CDH18: variants seen among roughly 807,000 people sequenced by gnomAD.
The protein encoded by CDH18 is cadherin 18.
A neutral mutation model predicts 67.9 loss-of-function variants in CDH18; 31 were observed. That is an observed-to-expected ratio of 0.46 (90% CI 0.34 to 0.62). The LOEUF is 0.62. CDH18 is among the 20% of genes least tolerant of loss of function. CDH18 has a pLI of 0.01. For synonymous variants in CDH18, 362 were observed against 347.2 expected (o/e 1.04, Z -0.48); for missense variants, 890 against 975.5 (o/e 0.91, Z 1.17).
intron 2 of CDH18, among the ~76,000 whole-genome samples, chr5:19,863,850 G>A (rs1348505812): frequency 6.6e-6 from 1 of 152,106 alleles, no homozygotes; most frequent in East Asian, 1.9e-4. Flanking sequence ...TCCCAGTGCG[G>A]GCTCCATTAC....
intron 8 of CDH18, among the ~76,000 whole-genome samples, chr5:19,550,420 C>T (rs1020588680): frequency 6.6e-6 from 1 of 152,000 alleles, no homozygotes; most frequent in Non-Finnish European, 1.5e-5. Context: ...CCACTCCCCC[C>T]ACCCCACAAC....
In CDH18 at chr5:20,339,879, TAGGC is replaced by T. The variant is rs1411355884; in HGVS notation, c.-579-84378_-579-84375del. On this transcript the variant is annotated intron_variant, in intron 1 of 14. Coordinates refer to the CDH18 transcript ENST00000507958. ...TCAAACCCTGACTGCTGCTGAAAAATAGGCAGCCCTGCAAGCAGCAGAGAAATTT... is the reference window on the plus strand; with the variant it reads ...TCAAACCCTGACTGCTGCTGAAAAATAGCCCTGCAAGCAGCAGAGAAATTT... 5.3e-5 allele frequency among the ~76,000 whole-genome samples: 8 copies of T among 152,232 alleles called. 1 individual carries two copies. The highest frequency in any genetic ancestry group is 1.9e-4 in the African/African-American group (8 of 41,550).
chr5:19,594,089 C>T (rs185353075), intron 6 of CDH18, among the ~76,000 whole-genome samples: 25 of 152,040 alleles, frequency 1.6e-4, no homozygotes, highest in Middle Eastern at 3.4e-3. Context: ...GTATGATATA[C>T]AAAAAGAAGC....
chr5:20,325,352 A>C (rs1738462120), intron 1 of CDH18, among the ~76,000 whole-genome samples: 1 of 152,192 alleles, frequency 6.6e-6, no homozygotes, highest in South Asian at 2.1e-4. Flanking sequence ...AGTATATTGT[A>C]TCCCACTTGT....
At chr5:20,558,649 G>A (rs1703047) in intron 1 of CDH18, among the ~76,000 whole-genome samples, 134,287 of 151,972 alleles carry the variant, frequency 0.88, 59,684 homozygotes, top group East Asian at 0.98. Context: ...TCAAGTCTGG[G>A]TTCAGCCCTA....
intron 2 of CDH18, among the ~76,000 whole-genome samples, chr5:20,026,730 G>A (rs925199858): frequency 2.6e-5 from 4 of 152,076 alleles, no homozygotes; most frequent in South Asian, 2.1e-4. Flanking sequence ...AGGCCAAGGC[G>A]GGTGGATCAT....
intron 1 of CDH18, among the ~76,000 whole-genome samples, chr5:20,271,246 G>A (rs1745412968): frequency 6.6e-6 from 1 of 152,140 alleles, no homozygotes; most frequent in African/African-American, 2.4e-5. Flanking sequence ...CTATGGATAA[G>A]TTAGATCAGA....
At chr5:19,626,451 G>A (rs1751559413) in intron 5 of CDH18, among the ~76,000 whole-genome samples, 1 of 152,148 alleles carries the variant, frequency 6.6e-6, no homozygotes. Flanking sequence ...AGATCATGAA[G>A]AGTGGCCTTG....
intron 2 of CDH18, among the ~76,000 whole-genome samples, chr5:19,856,965 G>A (rs541897550): frequency 6.6e-6 from 1 of 152,200 alleles, no homozygotes; most frequent in African/African-American, 2.4e-5. Flanking sequence ...ACTCACGATT[G>A]TAATCCCAAC....
chr5:20,260,421 T>A (rs183732596), intron 1 of CDH18, among the ~76,000 whole-genome samples: 1 of 152,170 alleles, frequency 6.6e-6, no homozygotes. Context: ...CACTGAGGCC[T>A]CTTATATATG....
At chr5:19,557,503 T>C (rs965216786) in intron 8 of CDH18, among the ~76,000 whole-genome samples, 4 of 151,894 alleles carry the variant, frequency 2.6e-5, no homozygotes, top group African/African-American at 9.7e-5. Context: ...TCAGAGAAGA[T>C]GAACTTTAAA....
At chr5:20,209,933 T>C (rs1220194254) in intron 2 of CDH18, among the ~76,000 whole-genome samples, 1 of 151,556 alleles carries the variant, frequency 6.6e-6, no homozygotes, top group Non-Finnish European at 1.5e-5. Flanking sequence ...GATTATCACA[T>C]GTACCCCCAA....
chr5:19,657,919 T>C (rs1395735805), intron 5 of CDH18, among the ~76,000 whole-genome samples: 2 of 152,108 alleles, frequency 1.3e-5, no homozygotes, highest in South Asian at 2.1e-4. Flanking sequence ...ATTTTGAACA[T>C]GAGGGCCTCC....
rs35247774 is a variant in CDH18, at chr5:20,538,909, G to GTTTTTTT, written c.-580+36546_-580+36552dup. On this transcript the variant is annotated intron_variant, in intron 1 of 14. Coordinates refer to the CDH18 transcript ENST00000507958. ...CCACATAGCCAACTGTTTTTTTTTT[G>GTTTTTTT]TTTTTTTTTTTTTTTGTCGCCCAGG... Among the ~76,000 whole-genome samples, 401 of 118,690 alleles carry GTTTTTTT rather than the reference G, an allele frequency of 3.4e-3. 23 individuals are homozygous for GTTTTTTT. Among genetic ancestry groups the GTTTTTTT allele is most frequent in the African/African-American group, 0.013 (383 of 29,874 alleles). 77.9% of individuals were successfully genotyped at this position (118,690 alleles called of 152,430 possible). A position where few individuals can be genotyped will look rare whatever the true frequency, so the allele number is the denominator to read the frequency against.
In CDH18 at chr5:20,532,286, A is replaced by C. The variant is rs182106029; in HGVS notation, c.-580+43176T>G. ...TTAGATCCTGTTTATTGTGAATTAC[A>C]GTCATTGTATTTATACCCATATTTT... On this transcript the variant is annotated intron_variant, in intron 1 of 14. Transcript: ENST00000507958. Among the ~76,000 whole-genome samples, 355 of 152,220 alleles carry C rather than the reference A, an allele frequency of 2.3e-3. 11 individuals are homozygous for C. The highest frequency in any genetic ancestry group is 0.023 in the Admixed American group (352 of 15,250).
At chr5:19,586,558 A>G (rs1337139645) in intron 7 of CDH18, among the ~76,000 whole-genome samples, 1 of 152,182 alleles carries the variant, frequency 6.6e-6, no homozygotes, top group African/African-American at 2.4e-5. Context: ...TTATTGCTGC[A>G]TAGTATTGCG....
chr5:20,488,863 T>C (rs146197864), intron 1 of CDH18, among the ~76,000 whole-genome samples: 1 of 152,070 alleles, frequency 6.6e-6, no homozygotes, highest in African/African-American at 2.4e-5. Context: ...GCCAACTATA[T>C]GCCAAAATAA....
intron 2 of CDH18, among the ~76,000 whole-genome samples, chr5:20,097,061 T>C (rs1260424780): frequency 6.6e-6 from 1 of 152,204 alleles, no homozygotes; most frequent in Non-Finnish European, 1.5e-5. Flanking sequence ...ATGTCTACCA[T>C]TTCTTGAAAA....
At chr5:20,437,720 C>G (rs1749278141) in intron 1 of CDH18, among the ~76,000 whole-genome samples, 1 of 151,214 alleles carries the variant, frequency 6.6e-6, no homozygotes, top group African/African-American at 2.4e-5. Context: ...AAATAACTTT[C>G]CTAATTTCAT....
Sources: allele counts gnomAD v4.1 joint callset (sites outside exome capture counted in the v4.1 genomes callset), GRCh38; gene constraint gnomAD v4.1.1; transcripts MANE v1.5; gene names NCBI Gene and HGNC (gene_info 2026-07-23, HGNC 2026-07-21).